ARHGAP22: variants seen among roughly 807,000 people sequenced by gnomAD.
ARHGAP22 encodes rho GTPase-activating protein 22.
ARHGAP22 carries 48 observed loss-of-function variants against 59.1 expected under a neutral mutation model. The ratio of observed to expected loss-of-function variants is 0.81; its 90% CI spans 0.64 to 1.03. The LOEUF (loss-of-function observed/expected upper bound fraction) is 1.03, where lower values mean the gene tolerates loss of function less well. Ranked by LOEUF, ARHGAP22 falls within the 50% of genes least tolerant of loss-of-function variation. The pLI, the probability that ARHGAP22 is intolerant of heterozygous loss-of-function variation, is 0.00. For synonymous variants in ARHGAP22, 445 were observed against 416.4 expected (o/e 1.07, Z -0.84); for missense variants, 1,015 against 958.7 (o/e 1.06, Z -0.78).
intron 3 of ARHGAP22, among the ~76,000 whole-genome samples, chr10:48,508,353 A>C (rs1168968900): frequency 6.6e-6 from 1 of 152,248 alleles, no homozygotes; most frequent in Non-Finnish European, 1.5e-5. Context: ...ACAAGTGGCT[A>C]TACTTTTAGA....
At chr10:48,487,114 T>G (rs1384423426) in intron 3 of ARHGAP22, among the ~76,000 whole-genome samples, 1 of 152,244 alleles carries the variant, frequency 6.6e-6, no homozygotes, top group Non-Finnish European at 1.5e-5. Flanking sequence ...TGGAATATTT[T>G]GGCGATTGGT....
intron 3 of ARHGAP22, among the ~76,000 whole-genome samples, chr10:48,553,704 C>T (rs1422440657): frequency 6.6e-6 from 1 of 152,188 alleles, no homozygotes; most frequent in African/African-American, 2.4e-5. Flanking sequence ...CCTTATATGG[C>T]AAAGGGTCTT....
At chr10:48,652,215 A>T in intron 1 of ARHGAP22, 1 of 1,532,144 alleles carries the variant, frequency 6.5e-7, no homozygotes, top group Non-Finnish European at 8.7e-7. Flanking sequence ...TCCCACATAG[A>T]ACATAAAAAA....
At chr10:48,490,326 T>C (rs1479475970) in intron 3 of ARHGAP22, among the ~76,000 whole-genome samples, 2 of 152,150 alleles carry the variant, frequency 1.3e-5, no homozygotes, top group African/African-American at 4.8e-5. Flanking sequence ...GAGATCATTT[T>C]TCATGGGGTG....
Position 48,450,924 on chromosome 10 carries a change from G to A in ARHGAP22, c.1205C>T (p.Ala402Val), listed in dbSNP as rs770822831. 7.5e-6 allele frequency: 12 copies of A among 1,592,050 alleles called. No homozygotes were observed. The highest frequency in any genetic ancestry group is 2.3e-5 in the East Asian group (1 of 43,828). ...CGTGGGGGCTGTTCTGGAGAGCACCGCCACGGCCGCCCCGTCCAGGGAAGA... is the reference window on the plus strand; with the variant it reads ...CGTGGGGGCTGTTCTGGAGAGCACCACCACGGCCGCCCCGTCCAGGGAAGA... ...RTSSLDGAAV[A>V]VLSRTAPTGP... The change falls in exon 9 of 10, where the codon GCG (alanine) becomes GTG (valine). Residue 402 changes from alanine (A) to valine (V), a missense_variant. By Grantham distance (64) the Ala-to-Val change is moderately conservative. Transcript: ENST00000249601.
intron 3 of ARHGAP22, among the ~76,000 whole-genome samples, chr10:48,490,139 C>A (rs2050241704): frequency 6.6e-6 from 1 of 152,134 alleles, no homozygotes; most frequent in Non-Finnish European, 1.5e-5. Flanking sequence ...CAGACTCATG[C>A]ACCTGTAGGG....
At chr10:48,635,477 C>T (rs2061780194) in intron 1 of ARHGAP22, among the ~76,000 whole-genome samples, 1 of 152,224 alleles carries the variant, frequency 6.6e-6, no homozygotes, top group East Asian at 1.9e-4. Flanking sequence ...GCTCTCAGCC[C>T]TCGGCTTTCT....
At chr10:48,450,184 A>T in intron 9 of ARHGAP22, 77 bp downstream of exon 9, 1 of 1,534,840 alleles carries the variant, frequency 6.5e-7, no homozygotes, top group Non-Finnish European at 8.8e-7. Flanking sequence ...TTAGGGGCCG[A>T]CGCCCATGTG....
chr10:48,472,234 G>C (rs2048301427), intron 4 of ARHGAP22, among the ~76,000 whole-genome samples: 1 of 146,254 alleles, frequency 6.8e-6, no homozygotes, highest in Admixed American at 7.0e-5. Context: ...GAAAAAAAGA[G>C]TAACAGCGGC....
In ARHGAP22 at chr10:48,450,697, C is replaced by T; in HGVS notation, c.1432G>A (p.Asp478Asn). The change falls in exon 9 of 10, where the codon GAC becomes AAC. Residue 478 changes from aspartate to asparagine, a missense_variant. Physicochemically the swap from Asp to Asn is conservative, Grantham distance 23. Coordinates refer to ENST00000249601, the MANE Select transcript of ARHGAP22 (RefSeq NM_021226.4). ...ACGGAGCCCGAGTCCTTGAGCCGGTCTCCCGACGAGGCCCGGCGGTGTCCG... is the reference window on the plus strand; with the variant it reads ...ACGGAGCCCGAGTCCTTGAGCCGGTTTCCCGACGAGGCCCGGCGGTGTCCG... Reference protein sequence around the residue: ...LRGHRRASSGDRLKDSGSVQR... With the variant: ...LRGHRRASSGNRLKDSGSVQR... The T allele has an allele frequency of 1.9e-6, 3 of 1,552,346 alleles. No individual in the cohort carries two copies. The South Asian group carries it at 3.6e-5, about 18-fold the overall frequency.
At chr10:48,466,378 C>T (rs1204514509) in intron 4 of ARHGAP22, among the ~76,000 whole-genome samples, 1 of 152,022 alleles carries the variant, frequency 6.6e-6, no homozygotes, top group Non-Finnish European at 1.5e-5. Context: ...ACGCACGACC[C>T]TCGCCCCCTG....
intron 3 of ARHGAP22, among the ~76,000 whole-genome samples, chr10:48,531,665 ACAGAGAAGTGAGGGCACCGAAG>A (rs1474094023): frequency 1.9e-3 from 8 of 4,244 alleles, no homozygotes; most frequent in Non-Finnish European, 0.011. Flanking sequence ...GCACCGAAGT[ACAGAGAAGTGAGGGCACCGAAG>A]TACAGAGAAG....
intron 4 of ARHGAP22, among the ~76,000 whole-genome samples, chr10:48,469,109 T>TG (rs1401507067): frequency 1.3e-4 from 20 of 152,220 alleles, no homozygotes. Context: ...TTCTCTGCTC[T>TG]GAGCCATGGT....
At chr10:48,552,219 G>T (rs899610577) in intron 3 of ARHGAP22, among the ~76,000 whole-genome samples, 3 of 152,254 alleles carry the variant, frequency 2.0e-5, no homozygotes, top group Admixed American at 6.5e-5. Context: ...CCTCTTGGGG[G>T]TGCTGGTTGG....
At chr10:48,547,486 G>T (rs1338001634) in intron 3 of ARHGAP22, among the ~76,000 whole-genome samples, 2 of 152,202 alleles carry the variant, frequency 1.3e-5, no homozygotes, top group African/African-American at 2.4e-5. Context: ...AGCTTGCCAG[G>T]CCTCTGAATG....
At chr10:48,557,520 A>T (rs1230573254) in intron 2 of ARHGAP22, among the ~76,000 whole-genome samples, 1 of 152,204 alleles carries the variant, frequency 6.6e-6, no homozygotes, top group Non-Finnish European at 1.5e-5. Flanking sequence ...AGACAAGCAG[A>T]CAGAGGTCAG....
chr10:48,629,521 C>A (rs2061559382), intron 1 of ARHGAP22, among the ~76,000 whole-genome samples: 1 of 152,196 alleles, frequency 6.6e-6, no homozygotes, highest in Non-Finnish European at 1.5e-5. Flanking sequence ...GGTCAGTTAG[C>A]TACATTTGTG....
At chr10:48,501,926 A>G (rs1436981784) in intron 3 of ARHGAP22, among the ~76,000 whole-genome samples, 3 of 152,190 alleles carry the variant, frequency 2.0e-5, no homozygotes, top group African/African-American at 7.2e-5. Flanking sequence ...TCTCAGGAGC[A>G]GGGGAGGAGC....
At chr10:48,650,929 A>C (rs770583525) in intron 1 of ARHGAP22, among the ~76,000 whole-genome samples, 2 of 152,182 alleles carry the variant, frequency 1.3e-5, no homozygotes, top group East Asian at 3.8e-4. Context: ...AGGCCGGCCC[A>C]GGGGTCCTGG....
Sources: allele counts gnomAD v4.1 joint callset (sites outside exome capture counted in the v4.1 genomes callset), GRCh38; gene constraint gnomAD v4.1.1; transcripts MANE v1.5; gene names NCBI Gene and HGNC (gene_info 2026-07-23, HGNC 2026-07-21).